The following ZMYM2 variants were observed in gnomAD, a reference collection of about 807,000 sequenced individuals.
ZMYM2 encodes the protein zinc finger MYM-type protein 2.
In ZMYM2, 56 loss-of-function variants were observed where a neutral mutation model predicts 162.8. The observed-to-expected ratio is 0.34, with a 90% CI of 0.28 to 0.43. ZMYM2 has a LOEUF of 0.43. Ranked by LOEUF, ZMYM2 falls within the 20% of genes least tolerant of loss-of-function variation. The probability of loss-of-function intolerance (pLI) is 1.00; values close to 1 mark genes in which losing one functional copy is unlikely to be tolerated. For synonymous variants in ZMYM2, 510 were observed against 541.6 expected (o/e 0.94, Z 0.81); for missense variants, 1,275 against 1,621.8 (o/e 0.79, Z 3.67).
At chr13:20,026,274 AAG>A (rs1952573173) in intron 7 of ZMYM2, 1 of 166,154 alleles carries the variant, frequency 6.0e-6, no homozygotes, top group South Asian at 1.9e-4. Flanking sequence ...TCAAATGACA[AAG>A]AAGTATGTCC....
chr13:19,971,896 A>G (rs1483736433), intron 2 of ZMYM2, among the ~76,000 whole-genome samples: 1 of 152,164 alleles, frequency 6.6e-6, no homozygotes, highest in African/African-American at 2.4e-5. Context: ...TGTAGAGAGT[A>G]GGCAGTTTGG....
chr13:20,082,908 G>A lies in ZMYM2; in HGVS notation c.3696G>A (p.Val1232=). The part of the protein sequence containing the change: ...FNTKYFGLKT[V]EQHLRLSFGT... Reference sequence around the variant, plus strand: ...CTAAGTATTTTGGCCTGAAAACAGTGGAACAACACTTAAGACTTTCCTTTG... The same window carrying A: ...CTAAGTATTTTGGCCTGAAAACAGTAGAACAACACTTAAGACTTTCCTTTG... The change falls in exon 23 of 25, where the codon GTG becomes GTA. Residue 1232 remains valine (V), a synonymous_variant. Coordinates refer to ENST00000610343, the MANE Select transcript of ZMYM2 (RefSeq NM_197968.4). 6.2e-7 allele frequency: 1 copy of A among 1,613,838 alleles called. No individual in the cohort carries two copies. The highest frequency in any genetic ancestry group is 8.5e-7 in the Non-Finnish European group (1 of 1,179,844).
At chr13:19,888,603 A>G in the ZMYM2 span, among the ~76,000 whole-genome samples, 1 of 151,450 alleles carries the variant, frequency 6.6e-6, no homozygotes, top group Non-Finnish European at 1.5e-5. Context: ...TTATTTGTTT[A>G]TTTATTTATT....
the ZMYM2 span, among the ~76,000 whole-genome samples, chr13:19,896,297 T>C: frequency 3.5e-3 from 526 of 151,452 alleles, 11 homozygotes; most frequent in Non-Finnish European, 9.9e-4. Flanking sequence ...TTGCATGCCA[T>C]CACGCCTGGC....
intron 14 of ZMYM2, among the ~76,000 whole-genome samples, chr13:20,055,620 TTA>T (rs1351503245): frequency 6.6e-6 from 1 of 152,192 alleles, no homozygotes; most frequent in Admixed American, 6.5e-5. Context: ...AGGCATGAAG[TTA>T]TAATGTTCTT....
chr13:20,002,911 T>A lies in ZMYM2; in HGVS notation c.909T>A (p.Ser303=). 6.2e-7 allele frequency: 1 copy of A among 1,614,208 alleles called. No individual in the cohort carries two copies. Among genetic ancestry groups the A allele is most frequent in the Non-Finnish European group, 8.5e-7 (1 of 1,180,026 alleles). The part of the protein sequence containing the change: ...PRNQKQPGVD[S]LSPVASLPKQ... ...ATCAGAAACAACCAGGGGTGGACTCTTTATCACCAGTGGCCTCACTTCCTA... is the reference window on the plus strand; with the variant it reads ...ATCAGAAACAACCAGGGGTGGACTCATTATCACCAGTGGCCTCACTTCCTA... The change falls in exon 4 of 25, where the codon TCT becomes TCA. Residue 303 remains serine (S), a synonymous_variant. Coordinates refer to ENST00000610343, the MANE Select transcript of ZMYM2 (RefSeq NM_197968.4).
At chr13:20,071,968 C>T (rs73440181) in intron 21 of ZMYM2, 3,946 of 186,728 alleles carry the variant, frequency 0.021, 170 homozygotes, top group African/African-American at 0.088. Flanking sequence ...TAATTGCTTT[C>T]CTTTAAGAGT....
chr13:20,034,211 G>A (rs762624240), intron 10 of ZMYM2, 43 bp from the exon 11 acceptor site: 1 of 1,387,108 alleles, frequency 7.2e-7, no homozygotes, highest in African/African-American at 2.1e-5. Flanking sequence ...TATTTCTTAA[G>A]CTTGTCGTCA....
chr13:20,021,085 C>G (rs1193428143), intron 7 of ZMYM2, among the ~76,000 whole-genome samples: 1 of 151,170 alleles, frequency 6.6e-6, no homozygotes, highest in Non-Finnish European at 1.5e-5. Context: ...ACGCCATTCT[C>G]CTGCCTCAGC....
the ZMYM2 span, among the ~76,000 whole-genome samples, chr13:19,900,310 AAC>A: frequency 6.6e-6 from 1 of 152,224 alleles, no homozygotes; most frequent in Admixed American, 6.6e-5. Context: ...CAAAAACAAA[AAC>A]AGTTGTACAA....
intron 21 of ZMYM2, chr13:20,070,357 T>C: frequency 4.8e-6 from 1 of 209,588 alleles, no homozygotes. Flanking sequence ...TTTGGTTCCT[T>C]GCATTTATTC....
chr13:20,029,191 C>T (rs1241326006), intron 9 of ZMYM2, among the ~76,000 whole-genome samples: 5 of 152,152 alleles, frequency 3.3e-5, no homozygotes, highest in Admixed American at 6.5e-5. Flanking sequence ...ATTTGTTGTC[C>T]GTTGAAGGTC....
chr13:19,904,270 C>G, the ZMYM2 span, among the ~76,000 whole-genome samples: 1 of 152,054 alleles, frequency 6.6e-6, no homozygotes, highest in African/African-American at 2.4e-5. Context: ...AAAAATAATA[C>G]TGTTGGCCGG....
At chr13:19,923,002 A>T in the ZMYM2 span, among the ~76,000 whole-genome samples, 2 of 148,612 alleles carry the variant, frequency 1.3e-5, no homozygotes, top group African/African-American at 2.5e-5. Context: ...AGCCTAGGCA[A>T]CAAGAGCGAG....
At chr13:19,926,059 C>A in the ZMYM2 span, among the ~76,000 whole-genome samples, 1 of 150,672 alleles carries the variant, frequency 6.6e-6, no homozygotes, top group Non-Finnish European at 1.5e-5. Context: ...CTCCTGGGTT[C>A]AAGCAATTCT....
At position 20,027,295 on chromosome 13, in the gene ZMYM2, T is replaced by A; in HGVS notation, c.1828T>A (p.Ser610Thr). Residue 610 changes from serine to threonine, a missense_variant, in exon 9 of 25, where the codon TCC becomes ACC. Around this residue, in one of 10 missense-constraint regions of ZMYM2, gnomAD observed 276 missense variants for 311.8 expected, o/e 0.89. Coordinates refer to ENST00000610343, the MANE Select transcript of ZMYM2 (RefSeq NM_197968.4). ...TGGAAAACTGTACAACTTTTGCAAT[T>A]CCAGTTGTGTGGCTAAATTTCAGGT... ...PDGKLYNFCNSSCVAKFQALS... is the reference protein window; with the variant it reads ...PDGKLYNFCNTSCVAKFQALS... 1 of 1,573,288 alleles carries A rather than the reference T, an allele frequency of 6.4e-7. No individual in the cohort carries two copies. Among genetic ancestry groups the A allele is most frequent in the South Asian group, 1.2e-5 (1 of 85,984 alleles).
chr13:19,918,495 C>CTTTTTTTTTTTTTTTTTTTTTT, the ZMYM2 span, among the ~76,000 whole-genome samples: 2 of 107,504 alleles, frequency 1.9e-5, no homozygotes, highest in African/African-American at 3.5e-5. Flanking sequence ...TTCTTTCTTT[C>CTTTTTTTTTTTTTTTTTTTTTT]TTTTTTTTTT....
chr13:19,929,195 G>A, the ZMYM2 span, among the ~76,000 whole-genome samples: 1 of 151,908 alleles, frequency 6.6e-6, no homozygotes. Flanking sequence ...AATTTTTAAT[G>A]TCTTTTATTT....
At chr13:19,896,729 C>T in the ZMYM2 span, among the ~76,000 whole-genome samples, 2 of 134,716 alleles carry the variant, frequency 1.5e-5, no homozygotes, top group African/African-American at 6.2e-5. Context: ...TGCACTCCAG[C>T]CTGACAGAGT....
Sources: allele counts gnomAD v4.1 joint callset (sites outside exome capture counted in the v4.1 genomes callset), GRCh38; gene constraint gnomAD v4.1.1; regional missense constraint gnomAD v4.1.1; transcripts MANE v1.5; gene names NCBI Gene and HGNC (gene_info 2026-07-23, HGNC 2026-07-21).